The following SPAG16 variants were observed in gnomAD, a reference collection of about 807,000 sequenced individuals.
SPAG16 encodes sperm associated antigen 16.
In SPAG16, 86 loss-of-function variants were observed where a neutral mutation model predicts 80.4. That is an observed-to-expected ratio of 1.07 (90% CI 0.90 to 1.28). The LOEUF (loss-of-function observed/expected upper bound fraction) is 1.28. Ranked by LOEUF, SPAG16 falls within the 50% of genes most tolerant of loss-of-function variation. The probability of loss-of-function intolerance (pLI) is 0.00; values close to 1 mark genes in which losing one functional copy is unlikely to be tolerated. For synonymous variants in SPAG16, 294 were observed against 265.9 expected (o/e 1.11, Z -1.03); for missense variants, 870 against 765.3 (o/e 1.14, Z -1.61).
chr2:214,395,372 T>C (rs1701308087), intron 15 of SPAG16, among the ~76,000 whole-genome samples: 1 of 152,288 alleles, frequency 6.6e-6, no homozygotes, highest in Non-Finnish European at 1.5e-5. Context: ...CAGCATTTGG[T>C]GTTATCAATG....
intron 10 of SPAG16, among the ~76,000 whole-genome samples, chr2:213,767,412 A>C (rs1357545848): frequency 6.6e-6 from 1 of 152,140 alleles, no homozygotes; most frequent in African/African-American, 2.4e-5. Context: ...TCACACCTGT[A>C]ATCCTAGCAC....
In SPAG16 at chr2:213,287,953, T is replaced by C. The variant is rs2062115779; in HGVS notation, c.136+3334T>C. Among the ~76,000 whole-genome samples, 6 of 152,238 alleles carry C rather than the reference T, an allele frequency of 3.9e-5. No individual in the cohort carries two copies. In the South Asian group the frequency reaches 1.2e-3, roughly 31 times the overall value. Reference sequence around the variant, plus strand: ...TGAGGTATTGCTCTGCTACCCAGGCTTGAGTACAGTGGCATGATCATAGCT... The same window carrying C: ...TGAGGTATTGCTCTGCTACCCAGGCCTGAGTACAGTGGCATGATCATAGCT... On this transcript the variant is annotated intron_variant, in intron 1 of 15. Transcript: ENST00000331683.
chr2:214,027,873 A>G (rs2048215519), intron 13 of SPAG16, among the ~76,000 whole-genome samples: 1 of 151,840 alleles, frequency 6.6e-6, no homozygotes, highest in Non-Finnish European at 1.5e-5. Flanking sequence ...CTAGTTGAAC[A>G]TTTTTTCTGT....
intron 9 of SPAG16, among the ~76,000 whole-genome samples, chr2:213,467,585 A>G (rs1045017458): frequency 1.3e-5 from 2 of 152,212 alleles, no homozygotes; most frequent in Admixed American, 6.5e-5. Flanking sequence ...GGAGAGGAGA[A>G]CAGAAATGGC....
chr2:214,008,157 T>G (rs1401156205), intron 12 of SPAG16, among the ~76,000 whole-genome samples: 4 of 152,160 alleles, frequency 2.6e-5, no homozygotes, highest in African/African-American at 9.7e-5. Flanking sequence ...AATCTGATAT[T>G]TTGCTCACCC....
chr2:214,401,433 C>T (rs1701701033), intron 15 of SPAG16, among the ~76,000 whole-genome samples: 1 of 151,870 alleles, frequency 6.6e-6, no homozygotes. Context: ...ATATGGCACA[C>T]AATGATTTTT....
At chr2:213,698,546 G>A (rs994135757) in intron 10 of SPAG16, among the ~76,000 whole-genome samples, 7 of 152,192 alleles carry the variant, frequency 4.6e-5, no homozygotes, top group African/African-American at 7.2e-5. Context: ...ATAGGCGTGA[G>A]CCATTGTGCC....
chr2:213,727,380 T>C (rs1381521898), intron 10 of SPAG16, among the ~76,000 whole-genome samples: 2 of 152,098 alleles, frequency 1.3e-5, no homozygotes, highest in Non-Finnish European at 2.9e-5. Flanking sequence ...GAAAAATATA[T>C]AAATCAATGG....
At chr2:213,343,902 G>A (rs2124987315) in intron 6 of SPAG16, among the ~76,000 whole-genome samples, 1 of 152,186 alleles carries the variant, frequency 6.6e-6, no homozygotes, top group East Asian at 1.9e-4. Context: ...TCATAGGTGT[G>A]TATTTGAAAT....
At chr2:214,111,259 T>C (rs1283463651) in intron 14 of SPAG16, among the ~76,000 whole-genome samples, 1 of 152,212 alleles carries the variant, frequency 6.6e-6, no homozygotes, top group Non-Finnish European at 1.5e-5. Flanking sequence ...TTTTTATGGT[T>C]TTAGGTCTAA....
intron 12 of SPAG16, among the ~76,000 whole-genome samples, chr2:213,969,504 G>T (rs2044898648): frequency 6.6e-6 from 1 of 152,062 alleles, no homozygotes; most frequent in Non-Finnish European, 1.5e-5. Flanking sequence ...TGGGATTTAG[G>T]CCTTTATAAA....
chr2:213,710,952 C>A (rs560202082), intron 10 of SPAG16, among the ~76,000 whole-genome samples: 4 of 151,988 alleles, frequency 2.6e-5, no homozygotes, highest in Non-Finnish European at 5.9e-5. Flanking sequence ...TAGCAAAAAC[C>A]TTTTCTGGAA....
At chr2:213,447,344 C>G (rs950601881) in intron 9 of SPAG16, among the ~76,000 whole-genome samples, 14 of 152,208 alleles carry the variant, frequency 9.2e-5, no homozygotes, top group African/African-American at 3.4e-4. Context: ...ACACCCAGAA[C>G]TTCGGAAACT....
intron 10 of SPAG16, among the ~76,000 whole-genome samples, chr2:213,564,771 TGTGA>T (rs1226682262): frequency 1.3e-5 from 2 of 152,190 alleles, no homozygotes; most frequent in African/African-American, 4.8e-5. Context: ...ACAAGAATCC[TGTGA>T]GTTTTATACC....
intron 14 of SPAG16, among the ~76,000 whole-genome samples, chr2:214,119,130 A>G (rs1449234270): frequency 6.6e-6 from 1 of 152,178 alleles, no homozygotes; most frequent in Non-Finnish European, 1.5e-5. Flanking sequence ...TACATCTTTA[A>G]AAAAGATTCA....
chr2:214,041,978 G>GTATATATATATATATA (rs1158447338), intron 13 of SPAG16, among the ~76,000 whole-genome samples: 8 of 116,358 alleles, frequency 6.9e-5, no homozygotes, highest in African/African-American at 1.3e-4. Flanking sequence ...GTCTGTGTGT[G>GTATATATATATATATA]TATATATATA....
intron 11 of SPAG16, among the ~76,000 whole-genome samples, chr2:213,922,797 G>T (rs573168925): frequency 2.0e-5 from 3 of 152,076 alleles, no homozygotes; most frequent in South Asian, 2.1e-4. Context: ...ACTGGGTCTT[G>T]GTGGCACCCT....
At chr2:214,045,625 T>G (rs922162351) in intron 13 of SPAG16, among the ~76,000 whole-genome samples, 1 of 152,094 alleles carries the variant, frequency 6.6e-6, no homozygotes, top group African/African-American at 2.4e-5. Flanking sequence ...GTTAATGAAG[T>G]GATTAAGAAG....
At chr2:213,708,665 T>A (rs547914319) in intron 10 of SPAG16, among the ~76,000 whole-genome samples, 8 of 152,200 alleles carry the variant, frequency 5.3e-5, no homozygotes, top group South Asian at 2.1e-4. Context: ...TACAAAAAAA[T>A]TAGGCAGGTG....
Sources: gnomAD v4.1 joint callset for allele counts (sites outside exome capture counted in the v4.1 genomes callset) on GRCh38, gnomAD v4.1.1 for gene constraint, MANE v1.5 for transcripts, NCBI Gene and HGNC (gene_info 2026-07-23, HGNC 2026-07-21) for gene names.